ADAMTSL1: variants seen among roughly 807,000 people sequenced by gnomAD.
ADAMTSL1 encodes the protein ADAMTS like 1, also known as ADAMTS-like protein 1.
A neutral mutation model predicts 201.8 loss-of-function variants in ADAMTSL1; 126 were observed. The observed-to-expected ratio is 0.62, with a 90% CI of 0.54 to 0.72. The LOEUF (loss-of-function observed/expected upper bound fraction) is 0.72. ADAMTSL1 is among the 30% of genes least tolerant of loss of function. The pLI, the probability that ADAMTSL1 is intolerant of heterozygous loss-of-function variation, is 0.00. For synonymous variants in ADAMTSL1, 1,121 were observed against 903.4 expected (o/e 1.24, Z -4.32); for missense variants, 2,679 against 2,277.8 (o/e 1.18, Z -3.59).
At chr9:18,527,292 T>A (rs1819140613) in intron 2 of ADAMTSL1, among the ~76,000 whole-genome samples, 1 of 152,170 alleles carries the variant, frequency 6.6e-6, no homozygotes, top group Non-Finnish European at 1.5e-5. Flanking sequence ...AAGCCTGGGG[T>A]GCCATGAGCC....
intron 2 of ADAMTSL1, among the ~76,000 whole-genome samples, chr9:18,280,524 T>G (rs140837572): frequency 2.6e-5 from 4 of 152,328 alleles, no homozygotes; most frequent in Non-Finnish European, 4.4e-5. Context: ...TTCCACTTTG[T>G]GAACATGGTG....
At chr9:18,633,449 G>T (rs1009517398) in intron 5 of ADAMTSL1, among the ~76,000 whole-genome samples, 1 of 152,018 alleles carries the variant, frequency 6.6e-6, no homozygotes, top group Non-Finnish European at 1.5e-5. Flanking sequence ...AATTAGCCGG[G>T]CTGCAGTGGC....
At chr9:17,950,007 C>G (rs1173888970) in intron 1 of ADAMTSL1, among the ~76,000 whole-genome samples, 2 of 152,094 alleles carry the variant, frequency 1.3e-5, no homozygotes, top group African/African-American at 4.8e-5. Context: ...CAACCTCTGT[C>G]TCCCGGGTTC....
chr9:18,854,629 G>C (rs1826727471), intron 23 of ADAMTSL1, among the ~76,000 whole-genome samples: 1 of 152,162 alleles, frequency 6.6e-6, no homozygotes, highest in Non-Finnish European at 1.5e-5. Context: ...GCAGAGGCAA[G>C]GTGCAAAGGA....
intron 2 of ADAMTSL1, among the ~76,000 whole-genome samples, chr9:18,329,566 T>G (rs566449563): frequency 7.9e-5 from 12 of 152,284 alleles, no homozygotes; most frequent in African/African-American, 2.9e-4. Flanking sequence ...TTCTCATGGT[T>G]TAGGGACCTA....
At chr9:17,996,407 A>C (rs960494777) in intron 1 of ADAMTSL1, among the ~76,000 whole-genome samples, 2 of 152,110 alleles carry the variant, frequency 1.3e-5, no homozygotes, top group Non-Finnish European at 2.9e-5. Flanking sequence ...AGGTGAGGGT[A>C]AGACTGAGCT....
chr9:18,363,542 G>T (rs1299006591), intron 2 of ADAMTSL1, among the ~76,000 whole-genome samples: 1 of 152,114 alleles, frequency 6.6e-6, no homozygotes. Context: ...CTTAAAATAG[G>T]AATAGATAAT....
At chr9:18,305,381 G>A (rs1054193551) in intron 2 of ADAMTSL1, among the ~76,000 whole-genome samples, 13 of 152,322 alleles carry the variant, frequency 8.5e-5, no homozygotes, top group Non-Finnish European at 1.6e-4. Context: ...TAGAAAGGGG[G>A]CTGAAGCCAG....
intron 2 of ADAMTSL1, among the ~76,000 whole-genome samples, chr9:18,401,660 C>G (rs971759811): frequency 6.6e-6 from 1 of 152,244 alleles, no homozygotes; most frequent in Non-Finnish European, 1.5e-5. Flanking sequence ...AGGAAAACCA[C>G]TTCTCTATTG....
intron 4 of ADAMTSL1, among the ~76,000 whole-genome samples, chr9:18,583,754 G>A (rs2132428788): frequency 6.6e-6 from 1 of 152,306 alleles, no homozygotes; most frequent in Admixed American, 6.5e-5. Context: ...GCATCAGAGT[G>A]ATCCAGATAT....
chr9:18,425,757 G>A (rs746232764), intron 2 of ADAMTSL1, among the ~76,000 whole-genome samples: 11 of 150,614 alleles, frequency 7.3e-5, no homozygotes, highest in Non-Finnish European at 1.6e-4. Flanking sequence ...TCTGGAGGCT[G>A]AGGTGGGAGA....
chr9:18,164,221 C>T (rs971788201), intron 2 of ADAMTSL1, among the ~76,000 whole-genome samples: 17 of 151,840 alleles, frequency 1.1e-4, no homozygotes, highest in African/African-American at 3.1e-4. Context: ...TTGTTTGGGG[C>T]AGCATGTGGA....
chr9:17,953,769 A>G (rs1482229252), intron 1 of ADAMTSL1, among the ~76,000 whole-genome samples: 1 of 152,182 alleles, frequency 6.6e-6, no homozygotes, highest in African/African-American at 2.4e-5. Context: ...TATTGCTGCA[A>G]AACGAACCAC....
chr9:18,273,695 G>A (rs1023877352), intron 2 of ADAMTSL1, among the ~76,000 whole-genome samples: 2 of 152,130 alleles, frequency 1.3e-5, no homozygotes, highest in African/African-American at 2.4e-5. Flanking sequence ...CCGCCTAAAA[G>A]CCAAATTCAG....
intron 1 of ADAMTSL1, among the ~76,000 whole-genome samples, chr9:18,079,386 A>G (rs1213462152): frequency 6.6e-6 from 1 of 152,126 alleles, no homozygotes; most frequent in Non-Finnish European, 1.5e-5. Flanking sequence ...ATTTTTTTAA[A>G]GCAACCATTG....
chr9:18,730,066 T>G (rs1818122510), intron 15 of ADAMTSL1, among the ~76,000 whole-genome samples: 1 of 152,086 alleles, frequency 6.6e-6, no homozygotes, highest in Non-Finnish European at 1.5e-5. Flanking sequence ...TTCCTTACAA[T>G]CTAGTGTTTC....
At chr9:18,454,649 G>C (rs1416543701) in intron 2 of ADAMTSL1, among the ~76,000 whole-genome samples, 2 of 152,152 alleles carry the variant, frequency 1.3e-5, no homozygotes, top group African/African-American at 2.4e-5. Context: ...CCAGAAAACA[G>C]AGTTCCAATC....
chr9:18,198,754 A>G (rs1204534578), intron 2 of ADAMTSL1, among the ~76,000 whole-genome samples: 1 of 120,952 alleles, frequency 8.3e-6, no homozygotes, highest in Non-Finnish European at 1.7e-5. Flanking sequence ...CCATCCCATT[A>G]CTGGGTATAT....
At chr9:18,491,144 C>G (rs1031274465) in intron 1 of ADAMTSL1, among the ~76,000 whole-genome samples, 1 of 152,158 alleles carries the variant, frequency 6.6e-6, no homozygotes, top group Non-Finnish European at 1.5e-5. Context: ...GACAGAGAGG[C>G]TGTGAGGCAA....
Sources: gnomAD v4.1 joint callset for allele counts (sites outside exome capture counted in the v4.1 genomes callset) on GRCh38, gnomAD v4.1.1 for gene constraint, MANE v1.5 for transcripts, NCBI Gene and HGNC (gene_info 2026-07-23, HGNC 2026-07-21) for gene names.